The following SLC8A3 variants were observed in gnomAD, a reference collection of about 807,000 sequenced individuals.
SLC8A3 encodes the protein sodium/calcium exchanger 3.
A neutral mutation model predicts 65.4 loss-of-function variants in SLC8A3; 37 were observed. The observed-to-expected ratio is 0.57, with a 90% CI of 0.44 to 0.74. SLC8A3 has a LOEUF of 0.74. Among genes scored for constraint, SLC8A3 ranks in the 30% least tolerant of loss-of-function variants. The pLI is 0.00. For missense variants in SLC8A3, 1,112 were observed against 1,172.1 expected, an observed-to-expected ratio of 0.95 and a Z score of 0.75; for synonymous variants, 461 against 444.5, an observed-to-expected ratio of 1.04 and a Z score of -0.47.
At position 70,139,933 on chromosome 14, in the gene SLC8A3, C is replaced by A. The variant is rs184868772; in HGVS notation, c.1784+26706G>T. ...CCCTTTCCCTTGAAATTCCCCTACC[C>A]CTCTGCAAGTTCGTTGAATCATGAA... On this transcript the variant is annotated intron_variant, in intron 2 of 6. Coordinates refer to ENST00000356921, the MANE Select transcript of SLC8A3 (RefSeq NM_182932.3). 8.3e-4 allele frequency among the ~76,000 whole-genome samples: 126 copies of A among 152,246 alleles called. 1 individual carries two copies. The highest frequency in any genetic ancestry group is 6.8e-3 in the Middle Eastern group (2 of 294).
At chr14:70,063,437 G>C (rs1275853822) in intron 2 of SLC8A3, among the ~76,000 whole-genome samples, 1 of 152,206 alleles carries the variant, frequency 6.6e-6, no homozygotes, top group African/African-American at 2.4e-5. Flanking sequence ...CTTCTGTCTG[G>C]TGCTGGGCTA....
chr14:70,172,227 A>T (rs1594804110), intron 1 of SLC8A3, among the ~76,000 whole-genome samples: 2 of 152,334 alleles, frequency 1.3e-5, no homozygotes, highest in African/African-American at 4.8e-5. Context: ...TATTATTTGC[A>T]TAATGCTGAG....
chr14:70,180,291 G>T (rs1373764311), intron 1 of SLC8A3, among the ~76,000 whole-genome samples: 1 of 152,170 alleles, frequency 6.6e-6, no homozygotes, highest in East Asian at 1.9e-4. Context: ...TTGAAATATG[G>T]AATTAAATCA....
At chr14:70,095,056 G>A (rs903932056) in intron 2 of SLC8A3, among the ~76,000 whole-genome samples, 4 of 152,214 alleles carry the variant, frequency 2.6e-5, no homozygotes, top group Non-Finnish European at 5.9e-5. Flanking sequence ...TATCTAAAGT[G>A]TGGATCTGCA....
chr14:70,149,544 G>A (rs1328641498), intron 2 of SLC8A3, among the ~76,000 whole-genome samples: 1 of 152,178 alleles, frequency 6.6e-6, no homozygotes, highest in Non-Finnish European at 1.5e-5. Flanking sequence ...AGGCCCGGGG[G>A]TGGAAGGTGT....
At chr14:70,097,493 C>T (rs1892266462) in intron 2 of SLC8A3, among the ~76,000 whole-genome samples, 1 of 152,194 alleles carries the variant, frequency 6.6e-6, no homozygotes, top group South Asian at 2.1e-4. Flanking sequence ...CCTGGCTCCA[C>T]TATTAATTAG....
chr14:70,114,788 G>C (rs1251875549), intron 2 of SLC8A3, among the ~76,000 whole-genome samples: 1 of 152,226 alleles, frequency 6.6e-6, no homozygotes, highest in Non-Finnish European at 1.5e-5. Flanking sequence ...CCCCTGCTGG[G>C]AGTCTGCAGA....
intron 2 of SLC8A3, among the ~76,000 whole-genome samples, chr14:70,141,100 G>C (rs1170063283): frequency 6.6e-6 from 1 of 152,224 alleles, no homozygotes; most frequent in African/African-American, 2.4e-5. Flanking sequence ...GATTTATCGA[G>C]TACTTACTCT....
chr14:70,136,886 G>A (rs1182456177), intron 2 of SLC8A3, among the ~76,000 whole-genome samples: 2 of 152,210 alleles, frequency 1.3e-5, no homozygotes, highest in Non-Finnish European at 2.9e-5. Context: ...TTTCACGCAT[G>A]AAAATATTTT....
At chr14:70,090,690 A>C (rs1273101589) in intron 2 of SLC8A3, among the ~76,000 whole-genome samples, 2 of 152,220 alleles carry the variant, frequency 1.3e-5, no homozygotes, top group Non-Finnish European at 2.9e-5. Context: ...ATTCATATAG[A>C]AGTATTACAA....
intron 2 of SLC8A3, among the ~76,000 whole-genome samples, chr14:70,130,236 G>A (rs1358873713): frequency 6.6e-6 from 1 of 152,216 alleles, no homozygotes; most frequent in East Asian, 1.9e-4. Flanking sequence ...CATTTTAGAA[G>A]AGATTTAATA....
At chr14:70,053,690 G>A (rs1468543183) in intron 3 of SLC8A3, among the ~76,000 whole-genome samples, 9 of 152,168 alleles carry the variant, frequency 5.9e-5, no homozygotes, top group Admixed American at 2.6e-4. Flanking sequence ...TCTACTTACT[G>A]ACCTGTCCAC....
intron 2 of SLC8A3, among the ~76,000 whole-genome samples, chr14:70,137,870 C>T (rs1186777018): frequency 6.7e-6 from 1 of 149,246 alleles, no homozygotes; most frequent in East Asian, 2.0e-4. Context: ...CTTCAATTCA[C>T]CTCCTTAGGG....
intron 3 of SLC8A3, among the ~76,000 whole-genome samples, chr14:70,052,644 T>A (rs1361633328): frequency 6.6e-6 from 1 of 152,246 alleles, no homozygotes; most frequent in Non-Finnish European, 1.5e-5. Flanking sequence ...GATGAGTCCA[T>A]TTTAAGAGCA....
intron 1 of SLC8A3, among the ~76,000 whole-genome samples, chr14:70,179,864 G>A (rs1882581766): frequency 2.6e-5 from 4 of 152,090 alleles, no homozygotes; most frequent in Admixed American, 6.6e-5. Flanking sequence ...AAGAAATTGG[G>A]GCTCATTTAT....
In SLC8A3 at chr14:70,167,516, G is replaced by A. The variant is rs527380360; in HGVS notation, c.907C>T (p.Pro303Ser). The change falls in exon 2 of 7, where the codon CCC becomes TCC. Residue 303 changes from proline (P) to serine (S), a missense_variant. Transcript: ENST00000356921. ...TCATCCACTTCCTTCCCTTCCAGGG[G>A]CACCAGGTTCCCATCTAGAAAATGG... is the stretch of plus-strand genomic sequence containing the variant. ...NSHFLDGNLV[P>S]LEGKEVDESR... 4.3e-6 allele frequency: 7 copies of A among 1,613,942 alleles called. No homozygotes were observed. In the South Asian group the frequency reaches 5.5e-5, roughly 13 times the overall value.
At chr14:70,187,275 G>C in intron 1 of SLC8A3, 1 of 81,906 alleles carries the variant, frequency 1.2e-5, no homozygotes, top group Non-Finnish European at 3.1e-5. Flanking sequence ...GAGAGAGAAA[G>C]AGAGAGAGAG....
chr14:70,067,476 G>T (rs1465135674), intron 2 of SLC8A3, among the ~76,000 whole-genome samples: 2 of 152,190 alleles, frequency 1.3e-5, no homozygotes, highest in African/African-American at 2.4e-5. Context: ...GCAAGTTCTT[G>T]TCTATCTGAC....
intron 1 of SLC8A3, among the ~76,000 whole-genome samples, chr14:70,187,853 G>A (rs1002678721): frequency 1.3e-5 from 2 of 152,068 alleles, no homozygotes; most frequent in African/African-American, 4.8e-5. Flanking sequence ...TGGGGTGAGC[G>A]CGTGCGTGCG....
Sources: allele counts gnomAD v4.1 joint callset (sites outside exome capture counted in the v4.1 genomes callset), GRCh38; gene constraint gnomAD v4.1.1; transcripts MANE v1.5; gene names NCBI Gene and HGNC (gene_info 2026-07-23, HGNC 2026-07-21).